CHST6: variants seen among roughly 807,000 people sequenced by gnomAD.
CHST6 encodes N-acetylglucosamine 6-O-sulfotransferase 5.
For missense variants in CHST6, 698 were observed against 586.2 expected (o/e 1.19, Z -1.97); for synonymous variants, 309 against 276.4 (o/e 1.12, Z -1.17).
rs1298093875 is a variant in CHST6, at chr16:75,477,142, A to C, written c.*1499T>G. On this transcript the variant is annotated 3_prime_UTR_variant, in exon 3 of 3. Coordinates refer to ENST00000332272, the MANE Select transcript of CHST6 (RefSeq NM_021615.5). ...ACACATTCATAAATCTGGGGTTTTA[A>C]ATACCTTCCTCCTATAATTGTCACG... 6.6e-6 allele frequency: 1 copy of C among 152,228 alleles called. No homozygotes were observed. The allele number at this position is 152,228 out of a possible 1,614,324, so 9.4% of individuals were successfully genotyped here. A position where few individuals can be genotyped will look rare whatever the true frequency, so the allele number is the denominator to read the frequency against.
At chr16:75,491,165 TAAAAAAAAAAAAAAAAA>T (rs1168619782) in intron 1 of CHST6, among the ~76,000 whole-genome samples, 26 of 26,376 alleles carry the variant, frequency 9.9e-4, no homozygotes, top group African/African-American at 1.9e-3. Context: ...AACTCCGTCT[TAAAAAAAAAAAAAAAAA>T]AAAAAAAAAT....
chr16:75,494,761 G>A (rs1014853949), intron 1 of CHST6, among the ~76,000 whole-genome samples, 179 bp downstream of exon 1: 3 of 152,188 alleles, frequency 2.0e-5, no homozygotes, highest in Admixed American at 6.5e-5. Flanking sequence ...CTTCCAAACC[G>A]GCGCCAACAG....
Position 75,474,554 on chromosome 16 carries a change from G to T in CHST6, c.*4087C>A. 1 of 398,452 alleles carries T rather than the reference G, an allele frequency of 2.5e-6. No homozygotes were observed. Among genetic ancestry groups the T allele is most frequent in the East Asian group, 3.6e-5 (1 of 28,070 alleles). 24.7% of individuals were successfully genotyped at this position (398,452 alleles called of 1,614,324 possible). A position where few individuals can be genotyped will look rare whatever the true frequency, so the allele number is the denominator to read the frequency against. On this transcript the variant is annotated 3_prime_UTR_variant, in exon 3 of 3. Coordinates refer to ENST00000332272, the MANE Select transcript of CHST6 (RefSeq NM_021615.5). The stretch of plus-strand genomic sequence containing the variant: ...GCCTTGCAAAGTATTGGGATTACAG[G>T]CGTGAGCCACTGAACCCAGCAAGGG...
intron 2 of CHST6, among the ~76,000 whole-genome samples, chr16:75,480,196 C>T (rs1421227416): frequency 1.3e-5 from 2 of 152,174 alleles, no homozygotes; most frequent in African/African-American, 4.8e-5. Flanking sequence ...AACGGAATTC[C>T]TGTCTTTTGC....
At chr16:75,482,364 C>T (rs568651872) in intron 1 of CHST6, among the ~76,000 whole-genome samples, 3 of 152,182 alleles carry the variant, frequency 2.0e-5, no homozygotes, top group East Asian at 1.9e-4. Context: ...GCCTGACCAA[C>T]ATGGAGAAAC....
chr16:75,486,273 C>T (rs1370150791), intron 1 of CHST6, among the ~76,000 whole-genome samples: 3 of 152,230 alleles, frequency 2.0e-5, no homozygotes, highest in Non-Finnish European at 2.9e-5. Flanking sequence ...TTTTCGCAAG[C>T]GAACACCTGT....
chr16:75,493,511 C>T (rs996463942), intron 1 of CHST6, among the ~76,000 whole-genome samples: 2 of 132,192 alleles, frequency 1.5e-5, no homozygotes, highest in Non-Finnish European at 3.0e-5. Flanking sequence ...AGCGAGACTC[C>T]GTATCAAAAA....
chr16:75,483,901 G>A (rs1440667451), intron 1 of CHST6, among the ~76,000 whole-genome samples: 2 of 152,102 alleles, frequency 1.3e-5, no homozygotes, highest in African/African-American at 4.8e-5. Flanking sequence ...GCGCGGACCT[G>A]TAGTCCCAAC....
At chr16:75,491,195 AT>A in intron 1 of CHST6, among the ~76,000 whole-genome samples, 4 of 75,788 alleles carry the variant, frequency 5.3e-5, no homozygotes, top group Non-Finnish European at 1.1e-4. Context: ...AAAAAAATAT[AT>A]ATATATATAT....
chr16:75,479,342 C>T lies in CHST6; in HGVS notation c.487G>A (p.Glu163Lys), dbSNP rs2080109177. Residue 163 changes from glutamate to lysine, a missense_variant, in exon 3 of 3, where the codon GAG becomes AAG. Physicochemically the swap from Glu to Lys is moderately conservative, Grantham distance 56. Transcript: ENST00000332272. Reference sequence around the variant, plus strand: ...ACGTGGCTGTAGGAGCGGCAGGCCTCCCGGGCCAGGGTGAAGGACTGCCGC... The same window carrying T: ...ACGTGGCTGTAGGAGCGGCAGGCCTTCCGGGCCAGGGTGAAGGACTGCCGC... The part of the protein sequence containing the change: ...CARQSFTLAR[E>K]ACRSYSHVVL... 1.9e-6 allele frequency: 3 copies of T among 1,612,834 alleles called. No individual in the cohort carries two copies. Among genetic ancestry groups the T allele is most frequent in the Non-Finnish European group, 2.5e-6 (3 of 1,179,772 alleles).
chr16:75,491,671 G>A (rs1027183362), intron 1 of CHST6, among the ~76,000 whole-genome samples: 18 of 152,086 alleles, frequency 1.2e-4, no homozygotes, highest in African/African-American at 4.3e-4. Context: ...TGCCCGGCTG[G>A]TAATTTATTT....
At position 75,472,482 on chromosome 16, in the gene CHST6, T is replaced by A. The variant is rs1434131342; in HGVS notation, c.*6159A>T. The A allele has an allele frequency of 6.6e-6, 1 of 152,202 alleles. No individual in the cohort carries two copies. Among genetic ancestry groups the A allele is most frequent in the Non-Finnish European group, 1.5e-5 (1 of 68,038 alleles). 9.4% of individuals were successfully genotyped at this position (152,202 alleles called of 1,614,324 possible). On this transcript the variant is annotated 3_prime_UTR_variant, in exon 3 of 3. Coordinates refer to ENST00000332272, the MANE Select transcript of CHST6 (RefSeq NM_021615.5). The stretch of plus-strand genomic sequence containing the variant: ...ATGAAAAAGGAATACAGTTGAGTCA[T>A]AAGCATGAAAAGATGTTCAGCTGCC...
chr16:75,491,855 C>T (rs548569971), intron 1 of CHST6, among the ~76,000 whole-genome samples: 2 of 152,210 alleles, frequency 1.3e-5, no homozygotes, highest in Non-Finnish European at 2.9e-5. Flanking sequence ...GACCTGAGTA[C>T]CCAGTTAGCC....
At chr16:75,484,608 G>C (rs917063339) in intron 1 of CHST6, among the ~76,000 whole-genome samples, 1 of 152,200 alleles carries the variant, frequency 6.6e-6, no homozygotes, top group African/African-American at 2.4e-5. Context: ...CCAGCACTTT[G>C]GGAGGCTGAG....
chr16:75,481,718 T>C, intron 2 of CHST6, 99 bp downstream of exon 2: 1 of 420,584 alleles, frequency 2.4e-6, no homozygotes, highest in South Asian at 1.8e-5. Flanking sequence ...TGGAGCCCTG[T>C]GGGTTTGCAA....
intron 1 of CHST6, among the ~76,000 whole-genome samples, chr16:75,488,098 T>C (rs1212327099): frequency 6.6e-6 from 1 of 152,168 alleles, no homozygotes; most frequent in African/African-American, 2.4e-5. Context: ...GGGAACAAAA[T>C]GTAACACTAG....
intron 1 of CHST6, among the ~76,000 whole-genome samples, chr16:75,484,595 A>G (rs1443502545): frequency 6.6e-6 from 1 of 152,076 alleles, no homozygotes; most frequent in African/African-American, 2.4e-5. Context: ...CACGCCTGTA[A>G]TCCCAGCACT....
In CHST6 at chr16:75,484,862, C is replaced by G. The variant is rs1430315257; in HGVS notation, c.-91-2971G>C. On this transcript the variant is annotated intron_variant, in intron 1 of 2. Coordinates refer to ENST00000332272, the MANE Select transcript of CHST6 (RefSeq NM_021615.5). ...CCATCTCAAAAACAAAACAAACAAA[C>G]AAAAAAACTCAAGGTAAAGATGAGG... Among the ~76,000 whole-genome samples, 3 of 152,040 alleles carry G rather than the reference C, an allele frequency of 2.0e-5. No individual in the cohort carries two copies. In the East Asian group the frequency reaches 5.8e-4, roughly 29 times the overall value.
chr16:75,478,968 G>A lies in CHST6; in HGVS notation c.861C>T (p.Leu287=). Reference sequence around the variant, plus strand: ...TGAGACTGAGCCCAGTGAAGGCGTAGAGCGCACGGATTTCTGCCAGCGGCT... The same window carrying A: ...TGAGACTGAGCCCAGTGAAGGCGTAAAGCGCACGGATTTCTGCCAGCGGCT... The part of the protein sequence containing the change: ...AREPLAEIRA[L]YAFTGLSLTP... Residue 287 remains leucine, a synonymous_variant, in exon 3 of 3, where the codon CTC becomes CTT. Transcript: ENST00000332272. The A allele has an allele frequency of 3.1e-6, 5 of 1,613,000 alleles. No individual in the cohort carries two copies. Among genetic ancestry groups the A allele is most frequent in the Non-Finnish European group, 4.2e-6 (5 of 1,179,956 alleles).
Sources: allele counts gnomAD v4.1 joint callset (sites outside exome capture counted in the v4.1 genomes callset), GRCh38; gene constraint gnomAD v4.1.1; transcripts MANE v1.5; gene names NCBI Gene and HGNC (gene_info 2026-07-23, HGNC 2026-07-21).